Variants in CDH9 observed in about 807,000 individuals in gnomAD.
CDH9 encodes the protein cadherin-9.
In CDH9, 28 loss-of-function variants were observed where a neutral mutation model predicts 70.9. That is an observed-to-expected ratio of 0.40 (90% CI 0.29 to 0.54). CDH9 has a LOEUF of 0.54. CDH9 is among the 20% of genes least tolerant of loss of function. CDH9 has a pLI of 0.59. For synonymous variants in CDH9, 409 were observed against 343.1 expected, an observed-to-expected ratio of 1.19 and a Z score of -2.12; for missense variants, 874 against 984.4, an observed-to-expected ratio of 0.89 and a Z score of 1.50.
intron 3 of CDH9, among the ~76,000 whole-genome samples, chr5:26,910,744 AAG>A (rs1336113751): frequency 6.6e-6 from 1 of 152,210 alleles, no homozygotes; most frequent in Admixed American, 6.5e-5. Context: ...GTGTGAGAAT[AAG>A]TTAACGAAAG....
At chr5:26,920,723 C>T (rs942529188) in intron 2 of CDH9, among the ~76,000 whole-genome samples, 1 of 152,068 alleles carries the variant, frequency 6.6e-6, no homozygotes, top group African/African-American at 2.4e-5. Context: ...GTAATTCTCC[C>T]AGATCTCACT....
At chr5:27,025,262 T>C (rs1201476677) in intron 1 of CDH9, among the ~76,000 whole-genome samples, 1 of 152,094 alleles carries the variant, frequency 6.6e-6, no homozygotes, top group Non-Finnish European at 1.5e-5. Context: ...GACAGATATT[T>C]TTAAGGAAAG....
At position 26,903,821 on chromosome 5, in the gene CDH9, G is replaced by T; in HGVS notation, c.815C>A (p.Thr272Lys). 1 of 1,521,026 alleles carries T rather than the reference G, an allele frequency of 6.6e-7. No individual in the cohort carries two copies. The highest frequency in any genetic ancestry group is 8.9e-7 in the Non-Finnish European group (1 of 1,123,680). The allele number at this position is 1,521,026 out of a possible 1,614,324, so 94.2% of individuals were successfully genotyped here. A position where few individuals can be genotyped will look rare whatever the true frequency, so the allele number is the denominator to read the frequency against. ...AGACTCAGGAGAATTAAATTGATACGTACCTATAAATTAAGTAAGAGCTGT... is the reference window on the plus strand; with the variant it reads ...AGACTCAGGAGAATTAAATTGATACTTACCTATAAATTAAGTAAGAGCTGT... ...NNNPPRFPQSTYQFNSPESVP... is the reference protein window; with the variant it reads ...NNNPPRFPQSKYQFNSPESVP... The change falls in exon 6 of 12, where the codon ACG (threonine) becomes AAG (lysine). Residue 272 changes from threonine to lysine, a missense_variant. Transcript: ENST00000231021.
At chr5:26,938,859 C>T (rs997927651) in intron 2 of CDH9, among the ~76,000 whole-genome samples, 1 of 151,958 alleles carries the variant, frequency 6.6e-6, no homozygotes, top group Admixed American at 6.6e-5. Flanking sequence ...AAATGTGCAT[C>T]TGGTATGATT....
rs148126473 is a variant in CDH9, at chr5:26,916,836, T to A, written c.229-912A>T. Among the ~76,000 whole-genome samples, 809 of 152,132 alleles carry A rather than the reference T, an allele frequency of 5.3e-3. 7 individuals carry two copies. Among genetic ancestry groups the A allele is most frequent in the African/African-American group, 0.019 (778 of 41,554 alleles). On this transcript the variant is annotated intron_variant, in intron 2 of 11. Coordinates refer to ENST00000231021, the MANE Select transcript of CDH9 (RefSeq NM_016279.4). ...AGTTCTTCAACCACGATGTTCTCAT[T>A]TTTAGAAAATGTTTTATTTTTTATA...
chr5:26,940,827 C>T (rs73073543), intron 2 of CDH9, among the ~76,000 whole-genome samples: 18,235 of 152,142 alleles, frequency 0.12, 3,653 homozygotes, highest in African/African-American at 0.42. Context: ...CTGTAGGAAA[C>T]TAATTTGTAT....
chr5:26,933,712 G>A (rs530411699), intron 2 of CDH9, among the ~76,000 whole-genome samples: 9 of 151,828 alleles, frequency 5.9e-5, no homozygotes, highest in African/African-American at 1.7e-4. Flanking sequence ...CCAGGGAAGC[G>A]GAGGTTGCAG....
At position 27,024,845 on chromosome 5, in the gene CDH9, T is replaced by C. The variant is rs534464947; in HGVS notation, c.-50+13618A>G. On this transcript the variant is annotated intron_variant, in intron 1 of 11. Coordinates refer to ENST00000231021, the MANE Select transcript of CDH9 (RefSeq NM_016279.4). ...GATTTCTACTCTGTAGCTGAAAACATAGGGCTAGTAGTTTGAGCTGGGAAT... is the reference window on the plus strand; with the variant it reads ...GATTTCTACTCTGTAGCTGAAAACACAGGGCTAGTAGTTTGAGCTGGGAAT... Among the ~76,000 whole-genome samples, 26 of 152,164 alleles carry C rather than the reference T, an allele frequency of 1.7e-4. No individual in the cohort carries two copies. In the South Asian group the frequency reaches 5.0e-3, roughly 29 times the overall value.
At chr5:26,969,655 A>C (rs1742184469) in intron 2 of CDH9, among the ~76,000 whole-genome samples, 1 of 152,024 alleles carries the variant, frequency 6.6e-6, no homozygotes, top group Non-Finnish European at 1.5e-5. Context: ...TGTGAAACTG[A>C]AATGTCACAG....
chr5:26,932,382 G>A (rs899694233), intron 2 of CDH9, among the ~76,000 whole-genome samples: 1 of 151,528 alleles, frequency 6.6e-6, no homozygotes, highest in Non-Finnish European at 1.5e-5. Flanking sequence ...TTTTTCATAC[G>A]AGCCCCAGTA....
chr5:27,006,950 C>T (rs1742874485), intron 1 of CDH9, among the ~76,000 whole-genome samples: 1 of 151,988 alleles, frequency 6.6e-6, no homozygotes, highest in South Asian at 2.1e-4. Context: ...GTTTGTGACA[C>T]ATCCCTGGAT....
intron 1 of CDH9, among the ~76,000 whole-genome samples, chr5:27,009,545 T>C (rs1173536136): frequency 6.6e-6 from 1 of 152,074 alleles, no homozygotes; most frequent in Admixed American, 6.6e-5. Flanking sequence ...ATTCTGTGGG[T>C]CCATTCACCT....
intron 11 of CDH9, among the ~76,000 whole-genome samples, chr5:26,884,354 A>G (rs1450292545): frequency 6.6e-6 from 1 of 152,312 alleles, no homozygotes; most frequent in East Asian, 1.9e-4. Context: ...ATGATCTAAC[A>G]ATAAACATAT....
chr5:27,018,951 A>G (rs1743090986), intron 1 of CDH9, among the ~76,000 whole-genome samples: 1 of 151,936 alleles, frequency 6.6e-6, no homozygotes, highest in Admixed American at 6.6e-5. Flanking sequence ...CATCATCTTT[A>G]TTCCTTTGTC....
In CDH9 at chr5:26,880,980, G is replaced by T; in HGVS notation, c.*156C>A. On this transcript the variant is annotated 3_prime_UTR_variant, in exon 12 of 12. Transcript: ENST00000231021. ...TGTATCATTCGTATTCATTCACAAA[G>T]ACTTACTGATTAAGCAAATCCCTAC... 1.6e-6 allele frequency: 1 copy of T among 607,534 alleles called. No homozygotes were observed. Among genetic ancestry groups the T allele is most frequent in the African/African-American group, 1.9e-5 (1 of 53,306 alleles). 37.6% of individuals were successfully genotyped at this position (607,534 alleles called of 1,614,324 possible).
At chr5:26,896,771 G>A (rs906918713) in intron 7 of CDH9, among the ~76,000 whole-genome samples, 2 of 151,876 alleles carry the variant, frequency 1.3e-5, no homozygotes, top group Non-Finnish European at 2.9e-5. Context: ...GGAGAAGCAA[G>A]AGCAAGCAAA....
At chr5:26,994,367 G>A (rs1460141581) in intron 1 of CDH9, among the ~76,000 whole-genome samples, 1 of 152,084 alleles carries the variant, frequency 6.6e-6, no homozygotes, top group Non-Finnish European at 1.5e-5. Flanking sequence ...AAATTCATAT[G>A]CTAAAATCTT....
At position 26,963,586 on chromosome 5, in the gene CDH9, A is replaced by G. The variant is rs1018127918; in HGVS notation, c.228+24520T>C. On this transcript the variant is annotated intron_variant, in intron 2 of 11. Transcript: ENST00000231021. Reference sequence around the variant, plus strand: ...TAATAGCCACCATTGACCTTCTTTCAAAAGGTTCCGAGATAGAGAAACTTG... The same window carrying G: ...TAATAGCCACCATTGACCTTCTTTCGAAAGGTTCCGAGATAGAGAAACTTG... Among the ~76,000 whole-genome samples the G allele has an allele frequency of 2.6e-5, 4 of 152,202 alleles. No individual in the cohort carries two copies. The Middle Eastern group carries it at 0.01, about 388-fold the overall frequency.
chr5:26,923,734 A>T (rs552131670), intron 2 of CDH9, among the ~76,000 whole-genome samples: 140 of 152,268 alleles, frequency 9.2e-4, no homozygotes, highest in Middle Eastern at 3.4e-3. Flanking sequence ...ACAATGGAAT[A>T]AAACTAGAAC....
Sources: gnomAD v4.1 joint callset for allele counts (sites outside exome capture counted in the v4.1 genomes callset) on GRCh38, gnomAD v4.1.1 for gene constraint, MANE v1.5 for transcripts, NCBI Gene and HGNC (gene_info 2026-07-23, HGNC 2026-07-21) for gene names.